Variants in GALP observed in about 807,000 individuals in gnomAD.
GALP encodes the protein galanin like peptide, also known as galanin-like peptide.
GALP carries 12 observed loss-of-function variants against 15.2 expected under a neutral mutation model. The ratio of observed to expected loss-of-function variants is 0.79; its 90% CI spans 0.51 to 1.28. The LOEUF (loss-of-function observed/expected upper bound fraction) is 1.28. Ranked by LOEUF, GALP falls within the 50% of genes most tolerant of loss-of-function variation. GALP has a pLI of 0.00. For missense variants in GALP, 161 were observed against 145.6 expected, an observed-to-expected ratio of 1.11 and a Z score of -0.55; for synonymous variants, 58 against 55.1, an observed-to-expected ratio of 1.05 and a Z score of -0.23.
chr19:56,181,794 TGCATAGTGAGCA>T (rs1441642847), intron 3 of GALP, among the ~76,000 whole-genome samples: 1 of 152,196 alleles, frequency 6.6e-6, no homozygotes, highest in Non-Finnish European at 1.5e-5. Flanking sequence ...GGCCACGTGC[TGCATAGTGAGCA>T]TTACATCCAT....
rs1172861941 is a variant in GALP at position 56,177,164 on chromosome 19, CAG to C, written c.60_61del (p.Glu20AspfsTer18). On this transcript the variant is annotated frameshift_variant, in exon 2 of 6. Coordinates refer to ENST00000357330, the MANE Select transcript of GALP (RefSeq NM_033106.4). LOFTEE classifies it high-confidence loss of function. ...CTCCTCGTCCTCTTGCTGAGCCTGG[CAG>C]AGACTCCAGCATCCGCACCTGCCCA... 6.2e-7 allele frequency: 1 copy of C among 1,613,592 alleles called. No individual in the cohort carries two copies. Among genetic ancestry groups the C allele is most frequent in the Non-Finnish European group, 8.5e-7 (1 of 1,179,894 alleles).
chr19:56,177,248 T>A, intron 2 of GALP, 53 bp downstream of exon 2: 1 of 1,433,136 alleles, frequency 7.0e-7, no homozygotes, highest in Non-Finnish European at 9.8e-7. Context: ...ATCCCTGCCC[T>A]CTGGGAAGAG....
chr19:56,183,742 C>G (rs944301575), intron 5 of GALP, among the ~76,000 whole-genome samples: 1 of 152,028 alleles, frequency 6.6e-6, no homozygotes, highest in Non-Finnish European at 1.5e-5. Context: ...GGATTACAGG[C>G]ACGCGCCACC....
chr19:56,180,485 C>A, intron 2 of GALP, 101 bp from the exon 3 acceptor site: 2 of 943,076 alleles, frequency 2.1e-6, no homozygotes, highest in South Asian at 1.3e-5. Context: ...GCTCCACAGG[C>A]CAGTGGGAAA....
chr19:56,179,162 G>A (rs1455395910), intron 2 of GALP, among the ~76,000 whole-genome samples: 2 of 152,148 alleles, frequency 1.3e-5, no homozygotes, highest in Non-Finnish European at 2.9e-5. Flanking sequence ...GGGTGGCAGA[G>A]TGAGACGCGA....
chr19:56,183,858 A>C (rs1049223015), intron 5 of GALP, among the ~76,000 whole-genome samples: 2 of 151,746 alleles, frequency 1.3e-5, no homozygotes, highest in African/African-American at 4.8e-5. Context: ...TCGGCCTCCC[A>C]AAGTGTTGGG....
chr19:56,183,386 A>G (rs1341832638), intron 5 of GALP, among the ~76,000 whole-genome samples, 174 bp downstream of exon 5: 4 of 152,046 alleles, frequency 2.6e-5, no homozygotes, highest in Admixed American at 2.6e-4. Flanking sequence ...GTGAATCCCC[A>G]TCCTGGCCTC....
At chr19:56,182,721 G>A (rs1157880724) in intron 4 of GALP, among the ~76,000 whole-genome samples, 2 of 152,260 alleles carry the variant, frequency 1.3e-5, no homozygotes, top group East Asian at 1.9e-4. Context: ...ACCACACCCA[G>A]CAAATTTTGC....
In GALP at chr19:56,183,135, A is replaced by T. The variant is rs1382569341; in HGVS notation, c.218A>T (p.Asp73Val). Reference protein sequence around the residue: ...LEILDLWKAIDGLPYSHPPQP... With the variant: ...LEILDLWKAIVGLPYSHPPQP... ...GTGAATGTTGTATTTTTGTTTCTAG[A>T]CGGGCTCCCCTACTCCCACCCTCCA... Residue 73 changes from aspartate to valine, a missense_variant and splice_region_variant, in exon 5 of 6, where the codon GAC (aspartate) becomes GTC (valine). Coordinates refer to ENST00000357330, the MANE Select transcript of GALP (RefSeq NM_033106.4). 6.2e-7 allele frequency: 1 copy of T among 1,609,518 alleles called. No individual in the cohort carries two copies. Among genetic ancestry groups the T allele is most frequent in the Non-Finnish European group, 8.5e-7 (1 of 1,175,980 alleles).
At chr19:56,180,757 A>C (rs1325733264) in intron 3 of GALP, 123 bp downstream of exon 3, 3 of 771,164 alleles carry the variant, frequency 3.9e-6, no homozygotes, top group Non-Finnish European at 6.7e-6. Flanking sequence ...ATTTATTTGC[A>C]GATCTGTCTG....
At chr19:56,182,057 C>G (rs1315339789) in intron 3 of GALP, 115 bp from the exon 4 acceptor site, 3 of 763,786 alleles carry the variant, frequency 3.9e-6, no homozygotes, top group African/African-American at 3.4e-5. Context: ...CCCCGTCCGA[C>G]AGACTTGGTG....
chr19:56,183,750 A>T (rs1209251764), intron 5 of GALP, among the ~76,000 whole-genome samples: 1 of 152,088 alleles, frequency 6.6e-6, no homozygotes, highest in East Asian at 1.9e-4. Context: ...GGCACGCGCC[A>T]CCATGTCCGG....
At chr19:56,184,487 T>TC (rs1189634225) in intron 5 of GALP, among the ~76,000 whole-genome samples, 23 of 142,424 alleles carry the variant, frequency 1.6e-4, no homozygotes, top group Non-Finnish European at 2.8e-4. Context: ...TCTTTTTCTT[T>TC]TTTTTTTTTT....
chr19:56,180,889 CTCTTTCTTTCTTTCTT>C (rs1215077294), intron 3 of GALP, among the ~76,000 whole-genome samples: 20 of 101,044 alleles, frequency 2.0e-4, no homozygotes, highest in Non-Finnish European at 3.1e-4. Context: ...CGCTCTCTCA[CTCTTTCTTTCTTTCTT>C]TCTTTCTTTC....
chr19:56,179,883 T>C (rs36077649), intron 2 of GALP, among the ~76,000 whole-genome samples: 9 of 151,866 alleles, frequency 5.9e-5, no homozygotes, highest in South Asian at 2.1e-4. Flanking sequence ...CTCACTGCAA[T>C]CTCCACCTCC....
intron 2 of GALP, among the ~76,000 whole-genome samples, chr19:56,178,509 TAAC>T (rs1226488598): frequency 8.4e-4 from 54 of 64,610 alleles, no homozygotes; most frequent in Admixed American, 8.0e-3. Flanking sequence ...AAAGAAATGC[TAAC>T]AACAACAACA....
At chr19:56,180,383 A>G (rs1244861929) in intron 2 of GALP, among the ~76,000 whole-genome samples, 2 of 152,140 alleles carry the variant, frequency 1.3e-5, no homozygotes, top group East Asian at 3.9e-4. Context: ...CTCTCACAAC[A>G]GAACGCTTTA....
At chr19:56,178,135 G>A (rs986867194) in intron 2 of GALP, among the ~76,000 whole-genome samples, 5 of 149,698 alleles carry the variant, frequency 3.3e-5, no homozygotes, top group East Asian at 2.0e-4. Context: ...TGTGCACCAC[G>A]CCTGCATTTA....
In GALP at chr19:56,185,249, G is replaced by A. The variant is rs770989809; in HGVS notation, c.330G>A (p.Glu110=). The change falls in exon 6 of 6, where the codon GAG becomes GAA. Residue 110 remains glutamate (E), a synonymous_variant. Coordinates refer to ENST00000357330, the MANE Select transcript of GALP (RefSeq NM_033106.4). The part of the protein sequence containing the change: ...LGMLSMKIPK[E]EDVLKS Reference sequence around the variant, plus strand: ...TGCTCAGCATGAAAATTCCCAAGGAGGAAGATGTCCTGAAGTCATAGATGT... The same window carrying A: ...TGCTCAGCATGAAAATTCCCAAGGAAGAAGATGTCCTGAAGTCATAGATGT... 14 of 1,608,216 alleles carry A rather than the reference G, an allele frequency of 8.7e-6. No homozygotes were observed. In the East Asian group the frequency reaches 2.9e-4, roughly 33 times the overall value.
Sources: allele counts gnomAD v4.1 joint callset (sites outside exome capture counted in the v4.1 genomes callset), GRCh38; gene constraint gnomAD v4.1.1; transcripts MANE v1.5; gene names NCBI Gene and HGNC (gene_info 2026-07-23, HGNC 2026-07-21).